CHLSN: variants seen among roughly 807,000 people sequenced by gnomAD.
CHLSN encodes the protein protein cholesin.
chr7:1,048,836 C>T, the CHLSN span, among the ~76,000 whole-genome samples: 1 of 152,190 alleles, frequency 6.6e-6, no homozygotes, highest in Non-Finnish European at 1.5e-5. Flanking sequence ...AGAACCAAGA[C>T]CCCTGGAGCA....
At chr7:1,136,182 A>AAAC in the CHLSN span, among the ~76,000 whole-genome samples, 2 of 109,664 alleles carry the variant, frequency 1.8e-5, no homozygotes, top group African/African-American at 4.1e-5. Flanking sequence ...AAATATACAT[A>AAAC]ATTATAAATA....
the CHLSN span, among the ~76,000 whole-genome samples, chr7:1,136,557 T>TAAAC: frequency 2.6e-5 from 2 of 77,214 alleles, no homozygotes; most frequent in Non-Finnish European, 4.6e-5. Context: ...TATAAACATA[T>TAAAC]ATAAACATAT....
At chr7:997,283 A>C in the CHLSN span, 1 of 233,196 alleles carries the variant, frequency 4.3e-6, no homozygotes. Flanking sequence ...TATTCCCGGT[A>C]GAAAAATAGA....
At chr7:1,023,675 A>ACC in the CHLSN span, among the ~76,000 whole-genome samples, 79 of 98,646 alleles carry the variant, frequency 8.0e-4, 1 homozygote, top group African/African-American at 2.8e-3. This position sits in a 1 kb window ranked among gnomAD's most constrained non-coding sequence, Gnocchi z 5.0. Context: ...ACACACACAC[A>ACC]CACCAGCAAC....
chr7:981,939 G>A, the CHLSN span, among the ~76,000 whole-genome samples: 1 of 151,930 alleles, frequency 6.6e-6, no homozygotes, highest in South Asian at 2.1e-4. Flanking sequence ...AGGCTGAGGT[G>A]GGAGGATGGC....
chr7:1,118,899 C>T, the CHLSN span, among the ~76,000 whole-genome samples: 1 of 149,794 alleles, frequency 6.7e-6, no homozygotes, highest in Non-Finnish European at 1.5e-5. Context: ...GTGGTAAAGA[C>T]CTCACTAAAT....
the CHLSN span, among the ~76,000 whole-genome samples, chr7:1,048,785 G>A: frequency 2.0e-5 from 3 of 152,146 alleles, no homozygotes; most frequent in East Asian, 1.9e-4. Context: ...CTCCACAGCC[G>A]CACATGGGCT....
chr7:1,010,482 C>T, the CHLSN span, among the ~76,000 whole-genome samples: 15 of 152,214 alleles, frequency 9.9e-5, no homozygotes, highest in South Asian at 2.1e-4. Context: ...TGGGAAGATC[C>T]GGGCCGGCCC....
chr7:1,027,988 C>T, the CHLSN span, among the ~76,000 whole-genome samples: 1 of 151,274 alleles, frequency 6.6e-6, no homozygotes, highest in African/African-American at 2.4e-5. Context: ...CCCTGCCACC[C>T]GCGGCCCGGC....
the CHLSN span, among the ~76,000 whole-genome samples, chr7:1,113,563 A>T: frequency 6.6e-6 from 1 of 152,170 alleles, no homozygotes; most frequent in Admixed American, 6.5e-5. Flanking sequence ...GAACAGCTGG[A>T]ATCGGATGGC....
At chr7:1,102,607 G>A in the CHLSN span, among the ~76,000 whole-genome samples, 2 of 151,700 alleles carry the variant, frequency 1.3e-5, no homozygotes, top group Non-Finnish European at 2.9e-5. Context: ...AGGAGCGGAC[G>A]TTTATTAAAA....
chr7:1,052,765 A>T, the CHLSN span, among the ~76,000 whole-genome samples: 1 of 151,838 alleles, frequency 6.6e-6, no homozygotes, highest in Admixed American at 6.5e-5. The surrounding 1 kb of genome is among the most constrained non-coding windows in gnomAD (Gnocchi z 4.2). Flanking sequence ...GGGTGACTGG[A>T]GGGCATGTGC....
chr7:1,068,547 A>G, the CHLSN span, among the ~76,000 whole-genome samples: 1 of 152,152 alleles, frequency 6.6e-6, no homozygotes, highest in Admixed American at 6.5e-5. Flanking sequence ...GTCCACTTCC[A>G]AGACACAGTG....
the CHLSN span, among the ~76,000 whole-genome samples, chr7:990,940 G>A: frequency 6.6e-6 from 1 of 152,074 alleles, no homozygotes; most frequent in South Asian, 2.1e-4. Context: ...GTGGGGTGGA[G>A]GACTCAGGCC....
At chr7:1,116,286 G>A in the CHLSN span, among the ~76,000 whole-genome samples, 2 of 141,318 alleles carry the variant, frequency 1.4e-5, no homozygotes, top group African/African-American at 2.8e-5. Context: ...CAAGGCCCAC[G>A]CAGGATGACA....
the CHLSN span, chr7:1,021,214 C>T: frequency 9.7e-6 from 2 of 205,992 alleles, no homozygotes; most frequent in South Asian, 3.4e-4. Flanking sequence ...GACTGGGGAC[C>T]TCCCAGCACG....
the CHLSN span, among the ~76,000 whole-genome samples, chr7:1,046,034 G>A: frequency 5.9e-5 from 9 of 152,362 alleles, no homozygotes; most frequent in East Asian, 1.7e-3. Context: ...CAAAGGGCGC[G>A]CACCTCATGT....
the CHLSN span, among the ~76,000 whole-genome samples, chr7:1,014,882 G>A: frequency 2.6e-5 from 4 of 152,250 alleles, no homozygotes; most frequent in Non-Finnish European, 5.9e-5. Flanking sequence ...CACCAATTCT[G>A]TCTACAGCCC....
At chr7:1,120,003 T>TA in the CHLSN span, among the ~76,000 whole-genome samples, 1 of 151,436 alleles carries the variant, frequency 6.6e-6, no homozygotes, top group Non-Finnish European at 1.5e-5. Context: ...CTAAAAAATA[T>TA]AAAAGAGAAG....
Sources: allele counts gnomAD v4.1 joint callset (sites outside exome capture counted in the v4.1 genomes callset), GRCh38; gene constraint gnomAD v4.1.1; non-coding constraint Gnocchi (gnomAD v3.1); transcripts MANE v1.5; gene names NCBI Gene and HGNC (gene_info 2026-07-23, HGNC 2026-07-21).